Variants in SLC30A6 observed in about 807,000 individuals in gnomAD.
SLC30A6 encodes zinc transporter 6.
In SLC30A6, 55 loss-of-function variants were observed where a neutral mutation model predicts 63.0. The ratio of observed to expected loss-of-function variants is 0.87; its 90% confidence interval spans 0.70 to 1.09. SLC30A6 has a LOEUF of 1.09. Ranked by LOEUF, SLC30A6 falls within the 50% of genes least tolerant of loss-of-function variation. The pLI is 0.00. For synonymous variants in SLC30A6, 224 were observed against 186.1 expected (o/e 1.20, Z -1.66); for missense variants, 587 against 549.2 (o/e 1.07, Z -0.69).
At chr2:32,193,188 C>A (rs554656565) in intron 7 of SLC30A6, among the ~76,000 whole-genome samples, 1 of 152,236 alleles carries the variant, frequency 6.6e-6, no homozygotes, top group African/African-American at 2.4e-5. Flanking sequence ...CTTCAGGCTT[C>A]TCATTATTTC....
chr2:32,169,530 G>A (rs1169113708), intron 1 of SLC30A6, among the ~76,000 whole-genome samples: 1 of 152,156 alleles, frequency 6.6e-6, no homozygotes, highest in Non-Finnish European at 1.5e-5. Flanking sequence ...TGTAATCCCA[G>A]CACTTTGGGA....
intron 2 of SLC30A6, among the ~76,000 whole-genome samples, chr2:32,172,440 C>T (rs1681317718): frequency 6.6e-6 from 1 of 151,836 alleles, no homozygotes. Flanking sequence ...TCTTGAACTC[C>T]TGGGCTCAAG....
Position 32,220,233 on chromosome 2 carries a change from A to C in SLC30A6, c.906A>C (p.Arg302Ser). ...FGSLAGSVHV[R>S]IRRDANEQMV... ...TTTAGGCTGGATCAGTGCATGTAAG[A>C]ATTCGACGAGATGCCAATGAACAAA... Residue 302 changes from arginine to serine, a missense_variant, in exon 14 of 14, where the codon AGA (arginine) becomes AGC (serine). Coordinates refer to ENST00000282587, the MANE Select transcript of SLC30A6 (RefSeq NM_017964.5). 6.2e-7 allele frequency: 1 copy of C among 1,613,912 alleles called. No homozygotes were observed.
chr2:32,183,687 C>CAAA (rs564803931), intron 4 of SLC30A6, among the ~76,000 whole-genome samples: 5 of 110,028 alleles, frequency 4.5e-5, no homozygotes, highest in East Asian at 2.9e-4. Context: ...GACTCTGTCT[C>CAAA]AAAAAAAAAA....
Position 32,204,631 on chromosome 2 carries a change from C to A in SLC30A6, c.707C>A (p.Ala236Asp). The A allele has an allele frequency of 1.9e-6, 3 of 1,612,308 alleles. No individual in the cohort carries two copies. The East Asian group carries it at 6.7e-5, about 36-fold the overall frequency. ...AVDTASAIAIALMTFGTMYPM... is the reference protein window; with the variant it reads ...AVDTASAIAIDLMTFGTMYPM... ...GACACTGCCTCTGCTATAGCTATTGCCTTGATGACATTTGGCACTATGTAT... is the reference window on the plus strand; with the variant it reads ...GACACTGCCTCTGCTATAGCTATTGACTTGATGACATTTGGCACTATGTAT... Residue 236 changes from alanine to aspartate, a missense_variant, in exon 11 of 14, where the codon GCC (alanine) becomes GAC (aspartate). Transcript: ENST00000282587.
At chr2:32,210,681 C>T (rs1451347077) in intron 13 of SLC30A6, among the ~76,000 whole-genome samples, 1 of 151,606 alleles carries the variant, frequency 6.6e-6, no homozygotes, top group Non-Finnish European at 1.5e-5. Flanking sequence ...TAATATAACA[C>T]AAATTTTATA....
chr2:32,166,164 C>G (rs1680630363), intron 1 of SLC30A6, among the ~76,000 whole-genome samples: 1 of 152,242 alleles, frequency 6.6e-6, no homozygotes, highest in African/African-American at 2.4e-5. Context: ...GAGTTTCTGA[C>G]TTCCCTCTGC....
intron 4 of SLC30A6, among the ~76,000 whole-genome samples, chr2:32,178,306 A>G (rs887058911): frequency 7.2e-5 from 11 of 151,846 alleles, no homozygotes; most frequent in Admixed American, 2.0e-4. Flanking sequence ...TTGCATGTGG[A>G]TAACCAGTTG....
intron 11 of SLC30A6, among the ~76,000 whole-genome samples, chr2:32,206,534 A>T (rs976694514): frequency 6.6e-6 from 1 of 152,190 alleles, no homozygotes; most frequent in Non-Finnish European, 1.5e-5. Context: ...GACTTAGGGC[A>T]GTAGTTCCAT....
intron 5 of SLC30A6, among the ~76,000 whole-genome samples, chr2:32,186,799 C>G (rs1459456802): frequency 1.3e-5 from 2 of 151,552 alleles, no homozygotes; most frequent in African/African-American, 4.9e-5. Context: ...GAGTTTGAGA[C>G]CATCCTGAGC....
chr2:32,220,133 TA>T, intron 13 of SLC30A6, 79 bp from the exon 14 acceptor site: 2 of 1,466,740 alleles, frequency 1.4e-6, no homozygotes, highest in Non-Finnish European at 1.8e-6. Flanking sequence ...TACCAAATCA[TA>T]AATAAAATGT....
At chr2:32,191,783 G>A (rs927691105) in intron 5 of SLC30A6, among the ~76,000 whole-genome samples, 9 of 152,046 alleles carry the variant, frequency 5.9e-5, no homozygotes, top group Admixed American at 1.3e-4. Context: ...CCATCTACTC[G>A]GGAGGCTGAG....
intron 10 of SLC30A6, among the ~76,000 whole-genome samples, chr2:32,198,165 A>G (rs1337219592): frequency 2.0e-5 from 3 of 152,174 alleles, no homozygotes; most frequent in Non-Finnish European, 4.4e-5. Flanking sequence ...GCGTGAAACA[A>G]TTTTTTAAAA....
At chr2:32,177,672 T>C (rs548903185) in intron 4 of SLC30A6, 7 of 158,968 alleles carry the variant, frequency 4.4e-5, no homozygotes, top group African/African-American at 1.8e-4. Context: ...GTTGTTTTTG[T>C]TTTTTTTAGA....
At chr2:32,169,506 C>T (rs1235322654) in intron 1 of SLC30A6, among the ~76,000 whole-genome samples, 4 of 151,330 alleles carry the variant, frequency 2.6e-5, no homozygotes, top group East Asian at 2.0e-4. Flanking sequence ...TGGCTGGGTG[C>T]GGTGGCTCAC....
chr2:32,188,963 C>G (rs146227735), intron 5 of SLC30A6, among the ~76,000 whole-genome samples: 2 of 152,270 alleles, frequency 1.3e-5, no homozygotes, highest in East Asian at 3.9e-4. Flanking sequence ...CATTCTTGTT[C>G]ATTGCTCTCA....
chr2:32,211,207 G>C (rs534755998), intron 13 of SLC30A6, among the ~76,000 whole-genome samples: 1 of 152,144 alleles, frequency 6.6e-6, no homozygotes, highest in Non-Finnish European at 1.5e-5. Flanking sequence ...TTCAGAGTTC[G>C]GGCAGCGGAC....
At chr2:32,219,751 A>G (rs1281388762) in intron 13 of SLC30A6, among the ~76,000 whole-genome samples, 2 of 152,052 alleles carry the variant, frequency 1.3e-5, no homozygotes, top group East Asian at 1.9e-4. Context: ...TTCTTTATAT[A>G]TTGGTATTAT....
At chr2:32,178,813 G>T (rs781437941) in intron 4 of SLC30A6, among the ~76,000 whole-genome samples, 1 of 152,192 alleles carries the variant, frequency 6.6e-6, no homozygotes, top group Non-Finnish European at 1.5e-5. Context: ...CTGCAGCTCT[G>T]TAGTAAGTTT....
Sources: gnomAD v4.1 joint callset for allele counts (sites outside exome capture counted in the v4.1 genomes callset) on GRCh38, gnomAD v4.1.1 for gene constraint, MANE v1.5 for transcripts, NCBI Gene and HGNC (gene_info 2026-07-23, HGNC 2026-07-21) for gene names.